The following KRT10 variants were observed in gnomAD, a reference collection of about 807,000 sequenced individuals.
KRT10 encodes keratin 10, also known as keratin, type I cytoskeletal 10.
Under a neutral mutation model 59.2 loss-of-function variants are expected in KRT10, and 40 were observed. That is an observed-to-expected ratio of 0.68 (90% CI 0.52 to 0.88). The LOEUF (loss-of-function observed/expected upper bound fraction) is 0.88, where lower values mean the gene tolerates loss of function less well. Ranked by LOEUF, KRT10 falls within the 40% of genes least tolerant of loss-of-function variation. The probability of loss-of-function intolerance (pLI) is 0.00; values close to 1 mark genes in which losing one functional copy is unlikely to be tolerated. For missense variants in KRT10, 719 were observed against 749.1 expected, an observed-to-expected ratio of 0.96 and a Z score of 0.47; for synonymous variants, 336 against 310.7, an observed-to-expected ratio of 1.08 and a Z score of -0.86.
Position 40,820,292 on chromosome 17 carries a change from G to A in KRT10, c.999C>T (p.Arg333=). 1 of 1,614,170 alleles carries A rather than the reference G, an allele frequency of 6.2e-7. No individual in the cohort carries two copies. Among genetic ancestry groups the A allele is most frequent in the Non-Finnish European group, 8.5e-7 (1 of 1,180,040 alleles). The change falls in exon 4 of 8, where the codon CGC becomes CGT. Residue 333 remains arginine (R), a synonymous_variant. Coordinates refer to ENST00000269576, the MANE Select transcript of KRT10 (RefSeq NM_000421.5). ...CATTGAACCAGGCTTCAGCATCTTTGCGGTTTTGTTCAGCAAGTTGTTCAT... is the reference window on the plus strand; with the variant it reads ...CATTGAACCAGGCTTCAGCATCTTTACGGTTTTGTTCAGCAAGTTGTTCAT... ...SQYEQLAEQN[R]KDAEAWFNEK...
Position 40,822,531 on chromosome 17 carries a change from C to T in KRT10, c.55G>A (p.Gly19Arg). 1 of 1,609,290 alleles carries T rather than the reference C, an allele frequency of 6.2e-7. No individual in the cohort carries two copies. The change falls in exon 1 of 8, where the codon GGA becomes AGA. Residue 19 changes from glycine to arginine, a missense_variant. Gly to Arg is a moderately radical substitution (Grantham distance 125). Coordinates refer to ENST00000269576, the MANE Select transcript of KRT10 (RefSeq NM_000421.5). ...KHYSSSRSGG[G>R]GGGGGCGGGG... ...CCTCCACATCCTCCTCCTCCTCCTCCTCCTCCACTGCGGGAGGAAGAGTAG... is the reference window on the plus strand; with the variant it reads ...CCTCCACATCCTCCTCCTCCTCCTCTTCCTCCACTGCGGGAGGAAGAGTAG...
Position 40,818,942 on chromosome 17 carries a change from A to C in KRT10, c.1593T>G (p.Gly531=), listed in dbSNP as rs750666264. 2,232 of 1,223,108 alleles carry C rather than the reference A, an allele frequency of 1.8e-3. 8 individuals are homozygous for C. Among genetic ancestry groups the C allele is most frequent in the Non-Finnish European group, 2.0e-3 (1,994 of 980,264 alleles). 75.8% of individuals were successfully genotyped at this position (1,223,108 alleles called of 1,614,324 possible). Residue 531 remains glycine, a synonymous_variant, in exon 7 of 8, where the codon GGT becomes GGG. Transcript: ENST00000269576. ...GHGGSSSGGY[G]GGSSGGGGGG... Reference sequence around the variant, plus strand: ...CGCCGCCGCCGCCGGAACTGCCACCACCGTAGCCGCCGCTGGAACTGCCGC... The same window carrying C: ...CGCCGCCGCCGCCGGAACTGCCACCCCCGTAGCCGCCGCTGGAACTGCCGC...
In KRT10 at chr17:40,819,041, G is replaced by GCCT; in HGVS notation, c.1493_1494insAGG (p.Gly498dup). ...CGCCGCCGGAGCTTCCGCCTCCGTA[G>GCCT]CCGCCGCCGGAACTGCCGCCGTGGC... is the stretch of plus-strand genomic sequence containing the variant. On this transcript the variant is annotated inframe_insertion, in exon 7 of 8. Coordinates refer to ENST00000269576, the MANE Select transcript of KRT10 (RefSeq NM_000421.5). 7.5e-7 allele frequency: 1 copy of GCCT among 1,340,386 alleles called. No individual in the cohort carries two copies. Among genetic ancestry groups the GCCT allele is most frequent in the Admixed American group, 2.7e-5 (1 of 36,516 alleles). 83.0% of individuals were successfully genotyped at this position (1,340,386 alleles called of 1,614,324 possible).
intron 7 of KRT10, 105 bp from the exon 8 acceptor site, chr17:40,818,587 G>T: frequency 2.4e-6 from 3 of 1,247,540 alleles, no homozygotes; most frequent in Non-Finnish European, 3.5e-6. Flanking sequence ...ACATTGTTAA[G>T]CCCAAAAAAA....
Position 40,821,064 on chromosome 17 carries a change from G to C in KRT10, c.681C>G (p.Ala227=). Reference sequence around the variant, plus strand: ...GCCTGAAGTCATCAGCTGCCAGCCTGGCATTGTCGATCTGAAGCAGGATGT... The same window carrying C: ...GCCTGAAGTCATCAGCTGCCAGCCTCGCATTGTCGATCTGAAGCAGGATGT... ...NANILLQIDN[A]RLAADDFRLK... Residue 227 remains alanine, a synonymous_variant, in exon 2 of 8, where the codon GCC becomes GCG. Coordinates refer to ENST00000269576, the MANE Select transcript of KRT10 (RefSeq NM_000421.5). 6.2e-7 allele frequency: 1 copy of C among 1,613,882 alleles called. No homozygotes were observed. Among genetic ancestry groups the C allele is most frequent in the Non-Finnish European group, 8.5e-7 (1 of 1,179,800 alleles).
In KRT10 at chr17:40,819,075, T is replaced by TAGCCGCCGCCGCC. The variant is rs764791942; in HGVS notation, c.1459_1460insGGCGGCGGCGGCT (p.His487ArgfsTer98). The TAGCCGCCGCCGCC allele has an allele frequency of 8.2e-7, 1 of 1,214,970 alleles. No individual in the cohort carries two copies. The highest frequency in any genetic ancestry group is 1.8e-5 in the African/African-American group (1 of 56,306). The allele number at this position is 1,214,970 out of a possible 1,614,324, so 75.3% of individuals were successfully genotyped here. ...GGAACTGCCGCCGTGGCCGCCGCCG[T>TAGCCGCCGCCGCC]GGCCGCCGCCGGAGCTTCCGCCGCC... is the stretch of plus-strand genomic sequence containing the variant. On this transcript the variant is annotated frameshift_variant, in exon 7 of 8. Coordinates refer to ENST00000269576, the MANE Select transcript of KRT10 (RefSeq NM_000421.5). LOFTEE classifies it high-confidence loss of function.
Position 40,822,401 on chromosome 17 carries a change from G to C in KRT10, c.185C>G (p.Ser62Cys). ...TGAGCCCCCAAAGCAGCCCCCACCA[G>C]AGCTCCCACGGCTAAAAGAGCCACC... is the stretch of plus-strand genomic sequence containing the variant. ...FSGGSFSRGS[S>C]GGGCFGGSSG... is the part of the protein sequence containing the mutation. The change falls in exon 1 of 8, where the codon TCT becomes TGT. Residue 62 changes from serine (S) to cysteine (C), a missense_variant. Physicochemically the swap from Ser to Cys is moderately radical, Grantham distance 112 (BLOSUM62 -1). This residue lies in a region of KRT10 where 176 missense variants were observed against 175.7 expected (regional missense o/e 1.00). Coordinates refer to ENST00000269576, the MANE Select transcript of KRT10 (RefSeq NM_000421.5). 1 of 1,612,146 alleles carries C rather than the reference G, an allele frequency of 6.2e-7. No individual in the cohort carries two copies. Among genetic ancestry groups the C allele is most frequent in the Non-Finnish European group, 8.5e-7 (1 of 1,178,970 alleles).
At chr17:40,821,621 C>T (rs1318056597) in intron 1 of KRT10, among the ~76,000 whole-genome samples, 2 of 151,994 alleles carry the variant, frequency 1.3e-5, no homozygotes, top group African/African-American at 4.8e-5. Flanking sequence ...GTCTGAATAA[C>T]ATTTTGTTCT....
chr17:40,822,613 C>T lies in KRT10; in HGVS notation c.-28G>A, dbSNP rs1457951503. 5 of 1,599,122 alleles carry T rather than the reference C, an allele frequency of 3.1e-6. No individual in the cohort carries two copies. The African/African-American group carries it at 5.3e-5, about 17-fold the overall frequency. Reference sequence around the variant, plus strand: ...TGATGCTGTTTAGCCCAGGGAGTGCCTGCTACCAAGGACAGTGACAAGCCT... The same window carrying T: ...TGATGCTGTTTAGCCCAGGGAGTGCTTGCTACCAAGGACAGTGACAAGCCT... On this transcript the variant is annotated 5_prime_UTR_variant, in exon 1 of 8. Transcript: ENST00000269576.
chr17:40,821,004 G>C, intron 2 of KRT10, 31 bp downstream of exon 2: 1 of 1,501,224 alleles, frequency 6.7e-7, no homozygotes, highest in African/African-American at 1.4e-5. Flanking sequence ...TATTCGTTGT[G>C]ATAGTATTAT....
Position 40,822,598 on chromosome 17 carries a change from T to C in KRT10, c.-13A>G. On this transcript the variant is annotated 5_prime_UTR_variant, in exon 1 of 8. Transcript: ENST00000269576. ...ATCGAACAGACATGGTGATGCTGTT[T>C]AGCCCAGGGAGTGCCTGCTACCAAG... 6.3e-7 allele frequency: 1 copy of C among 1,599,912 alleles called. No homozygotes were observed. The highest frequency in any genetic ancestry group is 8.5e-7 in the Non-Finnish European group (1 of 1,179,950).
Position 40,819,744 on chromosome 17 carries a change from AT to A in KRT10, c.1156-11del. 6.2e-7 allele frequency: 1 copy of A among 1,612,830 alleles called. No homozygotes were observed. The highest frequency in any genetic ancestry group is 8.5e-7 in the Non-Finnish European group (1 of 1,178,850). On this transcript the variant is annotated splice_polypyrimidine_tract_variant and intron_variant, in intron 5 of 7. Coordinates refer to ENST00000269576, the MANE Select transcript of KRT10 (RefSeq NM_000421.5). The stretch of plus-strand genomic sequence containing the variant: ...CTTCCAGGGATTGTTTCTGAAACGG[AT>A]TTTTTTGTGGCTTAGTGACTTCCTT...
Position 40,818,945 on chromosome 17 carries a change from G to A in KRT10, c.1590C>T (p.Tyr530=). 4 of 1,408,714 alleles carry A rather than the reference G, an allele frequency of 2.8e-6. No individual in the cohort carries two copies. The highest frequency in any genetic ancestry group is 3.7e-6 in the Non-Finnish European group (4 of 1,081,612). The allele number at this position is 1,408,714 out of a possible 1,614,324, so 87.3% of individuals were successfully genotyped here. ...CGCCGCCGCCGGAACTGCCACCACC[G>A]TAGCCGCCGCTGGAACTGCCGCCGT... is the stretch of plus-strand genomic sequence containing the variant. The part of the protein sequence containing the change: ...GGHGGSSSGG[Y]GGGSSGGGGG... Residue 530 remains tyrosine, a synonymous_variant, in exon 7 of 8, where the codon TAC becomes TAT. Transcript: ENST00000269576.
chr17:40,820,587 A>G lies in KRT10; in HGVS notation c.791T>C (p.Leu264Pro). ...GLRRVLDELT[L>P]TKADLEMQIE... ...TTGCATCTCCAGGTCAGCCTTGGTCAGGGTCAGCTCATCCAGCACCCTACG... is the reference window on the plus strand; with the variant it reads ...TTGCATCTCCAGGTCAGCCTTGGTCGGGGTCAGCTCATCCAGCACCCTACG... Residue 264 changes from leucine to proline, a missense_variant, in exon 3 of 8, where the codon CTG becomes CCG. Coordinates refer to ENST00000269576, the MANE Select transcript of KRT10 (RefSeq NM_000421.5). 1 of 1,614,202 alleles carries G rather than the reference A, an allele frequency of 6.2e-7. No homozygotes were observed. The highest frequency in any genetic ancestry group is 1.1e-5 in the South Asian group (1 of 91,088).
intron 5 of KRT10, 28 bp downstream of exon 5, chr17:40,820,021 T>G (rs1471512423): frequency 6.2e-7 from 1 of 1,611,724 alleles, no homozygotes; most frequent in South Asian, 1.1e-5. Context: ...ATGATAAAGT[T>G]GAAGTCATTT....
intron 7 of KRT10, 80 bp from the exon 8 acceptor site, chr17:40,818,562 G>C: frequency 7.8e-7 from 1 of 1,279,394 alleles, no homozygotes; most frequent in East Asian, 2.3e-5. Context: ...GTAAAAAGAA[G>C]GAAATTTCAA....
Position 40,819,137 on chromosome 17 carries a change from G to GCCGCCGCGT in KRT10, c.1389_1397dup (p.Arg464_Gly466dup), listed in dbSNP as rs776653814. On this transcript the variant is annotated inframe_insertion, in exon 7 of 8. Transcript: ENST00000269576. The stretch of plus-strand genomic sequence containing the variant: ...CGCCGTAGCCGCCGCCGAAACTTCC[G>GCCGCCGCGT]CCGCCGCGTCCGCCGCCTCCGGAAC... 4.6e-5 allele frequency: 71 copies of GCCGCCGCGT among 1,537,394 alleles called. No homozygotes were observed. The highest frequency in any genetic ancestry group is 1.6e-4 in the East Asian group (6 of 38,278).
Position 40,822,593 on chromosome 17 carries a change from C to A in KRT10, c.-8G>T. On this transcript the variant is annotated 5_prime_UTR_variant, in exon 1 of 8. Transcript: ENST00000269576. ...GCTGTATCGAACAGACATGGTGATG[C>A]TGTTTAGCCCAGGGAGTGCCTGCTA... The A allele has an allele frequency of 6.2e-7, 1 of 1,600,080 alleles. No homozygotes were observed. The highest frequency in any genetic ancestry group is 8.5e-7 in the Non-Finnish European group (1 of 1,179,924).
At chr17:40,821,884 G>A (rs1249157792) in intron 1 of KRT10, 75 bp downstream of exon 1, 30 of 1,473,110 alleles carry the variant, frequency 2.0e-5, no homozygotes, top group Middle Eastern at 1.7e-4. Context: ...CAGCCACATT[G>A]TGCTTAATTT....
Sources: allele counts gnomAD v4.1 joint callset (sites outside exome capture counted in the v4.1 genomes callset), GRCh38; gene constraint gnomAD v4.1.1; regional missense constraint gnomAD v4.1.1; transcripts MANE v1.5; gene names NCBI Gene and HGNC (gene_info 2026-07-23, HGNC 2026-07-21).